The following PPP1R36 variants were observed in gnomAD, a reference collection of about 807,000 sequenced individuals.
PPP1R36 encodes protein phosphatase 1 regulatory subunit 36.
A neutral mutation model predicts 53.4 loss-of-function variants in PPP1R36; 47 were observed. That is an observed-to-expected ratio of 0.88 (90% CI 0.70 to 1.12). The LOEUF (loss-of-function observed/expected upper bound fraction) is 1.12. PPP1R36 is among the 50% of genes most tolerant of loss of function. PPP1R36 has a pLI of 0.00. For synonymous variants in PPP1R36, 153 were observed against 170.5 expected, an observed-to-expected ratio of 0.90 and a Z score of 0.80; for missense variants, 456 against 513.9, an observed-to-expected ratio of 0.89 and a Z score of 1.09.
At position 64,587,448 on chromosome 14, in the gene PPP1R36, C is replaced by CT. The variant is rs10708900; in HGVS notation, c.890+106dup. On this transcript the variant is annotated intron_variant, in intron 10 of 11. Transcript: ENST00000298705. Reference sequence around the variant, plus strand: ...CCTTTCTTTTCTTTTCTTTTTTCTCCTTTTTTTTTTTTTTTTTTTTTTTTT... The same window carrying CT: ...CCTTTCTTTTCTTTTCTTTTTTCTCCTTTTTTTTTTTTTTTTTTTTTTTTTT... 4.1e-3 allele frequency: 459 copies of CT among 110,954 alleles called. 35 individuals are homozygous for CT. Among genetic ancestry groups the CT allele is most frequent in the Middle Eastern group, 8.8e-3 (3 of 342 alleles). 6.9% of individuals were successfully genotyped at this position (110,954 alleles called of 1,614,324 possible). A position where few individuals can be genotyped will look rare whatever the true frequency, so the allele number is the denominator to read the frequency against.
At chr14:64,554,332 G>A (rs2140215775) in intron 3 of PPP1R36, among the ~76,000 whole-genome samples, 1 of 151,810 alleles carries the variant, frequency 6.6e-6, no homozygotes, top group Non-Finnish European at 1.5e-5. Context: ...TGTATTTTTA[G>A]TAGAGACAGG....
chr14:64,570,593 T>C (rs943766737), intron 7 of PPP1R36, among the ~76,000 whole-genome samples: 3 of 152,236 alleles, frequency 2.0e-5, no homozygotes, highest in Admixed American at 2.0e-4. Context: ...GAATTAAATA[T>C]TGATTGCATT....
intron 7 of PPP1R36, among the ~76,000 whole-genome samples, chr14:64,571,797 A>G (rs1399743907): frequency 6.6e-6 from 1 of 152,218 alleles, no homozygotes; most frequent in Non-Finnish European, 1.5e-5. Flanking sequence ...CGGAGGCCTC[A>G]CAATCATGGT....
chr14:64,576,308 T>C (rs1045480009), intron 8 of PPP1R36, among the ~76,000 whole-genome samples: 4 of 151,956 alleles, frequency 2.6e-5, no homozygotes, highest in Non-Finnish European at 5.9e-5. Flanking sequence ...CTCAAACTCC[T>C]GACCTCAGGT....
rs527884384 is a variant in PPP1R36, at chr14:64,587,935, G to A, written c.891-169G>A. ...TTTTAAAATTTTTTGTAGAGACGGG[G>A]GTCTTGCTATGTTGCCCAGGCTGGT... is the stretch of plus-strand genomic sequence containing the variant. On this transcript the variant is annotated intron_variant, in intron 10 of 11. Transcript: ENST00000298705. 2.6e-5 allele frequency among the ~76,000 whole-genome samples: 4 copies of A among 152,088 alleles called. No homozygotes were observed. In the South Asian group the frequency reaches 6.2e-4, roughly 24 times the overall value.
At chr14:64,552,149 G>A (rs780682454) in intron 2 of PPP1R36, among the ~76,000 whole-genome samples, 5 of 152,328 alleles carry the variant, frequency 3.3e-5, no homozygotes, top group Non-Finnish European at 7.4e-5. Context: ...TGACTTGGGT[G>A]ATCAGGTGGC....
At chr14:64,565,574 T>C in intron 5 of PPP1R36, 52 bp from the exon 6 acceptor site, 1 of 1,523,522 alleles carries the variant, frequency 6.6e-7, no homozygotes, top group Non-Finnish European at 9.1e-7. Flanking sequence ...CTTGTGTGAC[T>C]CTCTAAGGTA....
intron 3 of PPP1R36, among the ~76,000 whole-genome samples, chr14:64,554,197 G>T (rs2080125649): frequency 7.1e-6 from 1 of 141,110 alleles, no homozygotes; most frequent in Non-Finnish European, 1.5e-5. Flanking sequence ...TGTGGCTCAG[G>T]CTGGAGTGCA....
intron 8 of PPP1R36, among the ~76,000 whole-genome samples, chr14:64,584,088 G>C (rs557519739): frequency 3.3e-5 from 5 of 151,970 alleles, no homozygotes; most frequent in Non-Finnish European, 7.4e-5. Flanking sequence ...TTTTAGTAGA[G>C]ATGGTGTTTC....
intron 8 of PPP1R36, among the ~76,000 whole-genome samples, chr14:64,579,314 C>T (rs1260453781): frequency 6.6e-6 from 1 of 152,070 alleles, no homozygotes; most frequent in Admixed American, 6.6e-5. Context: ...CATATATAAA[C>T]TAATGGAATT....
chr14:64,552,071 G>T (rs2080098163), intron 2 of PPP1R36, among the ~76,000 whole-genome samples: 1 of 152,224 alleles, frequency 6.6e-6, no homozygotes, highest in African/African-American at 2.4e-5. Flanking sequence ...GGATAGGATT[G>T]ATAGGATGTG....
At chr14:64,586,721 C>A in intron 8 of PPP1R36, 116 bp from the exon 9 acceptor site, 1 of 661,804 alleles carries the variant, frequency 1.5e-6, no homozygotes, top group Non-Finnish European at 2.6e-6. Flanking sequence ...ATTTGTGTAG[C>A]TGAAAATAAT....
At chr14:64,551,319 T>C (rs1348796705) in intron 2 of PPP1R36, among the ~76,000 whole-genome samples, 1 of 152,262 alleles carries the variant, frequency 6.6e-6, no homozygotes, top group Non-Finnish European at 1.5e-5. Flanking sequence ...ATTATTTAAA[T>C]GTAGGTCTGT....
At position 64,588,157 on chromosome 14, in the gene PPP1R36, CA is replaced by C; in HGVS notation, c.945del (p.Val316SerfsTer24). 1 of 1,613,108 alleles carries C rather than the reference CA, an allele frequency of 6.2e-7. No individual in the cohort carries two copies. Among genetic ancestry groups the C allele is most frequent in the Non-Finnish European group, 8.5e-7 (1 of 1,179,416 alleles). ...AAAAAAGCTATCAACATGCGTTCTC[CA>C]GTCATGTCTACTCTGCTGCCATCTC... ...AIKKAINMRS[P>X]VMSTLLPSLR... On this transcript the variant is annotated frameshift_variant, in exon 11 of 12. Coordinates refer to ENST00000298705, the MANE Select transcript of PPP1R36 (RefSeq NM_172365.3). LOFTEE classifies it high-confidence loss of function.
chr14:64,571,814 C>G (rs1023393047), intron 7 of PPP1R36, among the ~76,000 whole-genome samples: 16 of 152,100 alleles, frequency 1.1e-4, no homozygotes, highest in Non-Finnish European at 1.9e-4. Flanking sequence ...TGGTGGAAGG[C>G]GAATGAGGAG....
rs775321064 is a variant in PPP1R36, at chr14:64,565,502, C to A, written c.367+48C>A. On this transcript the variant is annotated intron_variant, in intron 5 of 11. Transcript: ENST00000298705. ...ATACATAAACATACATCTGTACATA[C>A]ATACACATATCCATACATAAACATC... The A allele has an allele frequency of 1.2e-5, 18 of 1,458,146 alleles. No individual in the cohort carries two copies. The African/African-American group carries it at 2.1e-4, about 17-fold the overall frequency. The allele number at this position is 1,458,146 out of a possible 1,614,324, so 90.3% of individuals were successfully genotyped here. A position where few individuals can be genotyped will look rare whatever the true frequency, so the allele number is the denominator to read the frequency against.
At chr14:64,568,931 G>A (rs914778896) in intron 7 of PPP1R36, among the ~76,000 whole-genome samples, 3 of 152,072 alleles carry the variant, frequency 2.0e-5, no homozygotes, top group African/African-American at 7.2e-5. Context: ...CATGTGGCTA[G>A]TGGCAACCAT....
chr14:64,552,397 G>A (rs1333259760), intron 2 of PPP1R36, among the ~76,000 whole-genome samples: 1 of 152,200 alleles, frequency 6.6e-6, no homozygotes, highest in Non-Finnish European at 1.5e-5. Flanking sequence ...GCTGAGACAG[G>A]AGAATTGCTG....
intron 7 of PPP1R36, among the ~76,000 whole-genome samples, chr14:64,571,145 A>T (rs1166551987): frequency 1.5e-5 from 2 of 130,050 alleles, no homozygotes; most frequent in South Asian, 2.4e-4. Flanking sequence ...TGTTTGTTTG[A>T]AACGGAGTCT....
Sources: allele counts gnomAD v4.1 joint callset (sites outside exome capture counted in the v4.1 genomes callset), GRCh38; gene constraint gnomAD v4.1.1; transcripts MANE v1.5; gene names NCBI Gene and HGNC (gene_info 2026-07-23, HGNC 2026-07-21).